The following ANKRD44 variants were observed in gnomAD, a reference collection of about 807,000 sequenced individuals.
ANKRD44 encodes the protein ankyrin repeat domain 44.
Under a neutral mutation model 116.0 loss-of-function variants are expected in ANKRD44, and 35 were observed. The observed-to-expected ratio is 0.30, with a 90% CI of 0.23 to 0.40. ANKRD44 has a LOEUF of 0.40. Ranked by LOEUF, ANKRD44 falls within the 10% of genes least tolerant of loss-of-function variation. ANKRD44 has a pLI of 1.00. For synonymous variants in ANKRD44, 435 were observed against 461.8 expected (o/e 0.94, Z 0.74); for missense variants, 1,014 against 1,242.6 (o/e 0.82, Z 2.77).
intron 8 of ANKRD44, among the ~76,000 whole-genome samples, chr2:197,111,088 G>C (rs1054678473): frequency 6.6e-6 from 1 of 151,968 alleles, no homozygotes; most frequent in Non-Finnish European, 1.5e-5. Context: ...AATTACAAGA[G>C]GCAAAGATAA....
At chr2:196,990,244 A>C in intron 27 of ANKRD44, 1 of 986,810 alleles carries the variant, frequency 1.0e-6, no homozygotes, top group Non-Finnish European at 1.2e-6. Flanking sequence ...CAAAGTGAGA[A>C]GAAGTTTGAG....
At chr2:196,983,510 G>A (rs2075817318), downstream of ANKRD44, among the ~76,000 whole-genome samples, 1 of 152,144 alleles carries the variant, frequency 6.6e-6, no homozygotes, top group African/African-American at 2.4e-5. Context: ...AATTTCTTGT[G>A]GTTAGGATCT....
chr2:197,157,618 C>A (rs2079852753), intron 2 of ANKRD44, among the ~76,000 whole-genome samples: 1 of 135,352 alleles, frequency 7.4e-6, no homozygotes, highest in South Asian at 2.3e-4. Context: ...GCAGAGGTTG[C>A]AGTGAGCTGA....
At chr2:197,172,506 C>T (rs918373297) in intron 2 of ANKRD44, among the ~76,000 whole-genome samples, 4 of 152,124 alleles carry the variant, frequency 2.6e-5, no homozygotes, top group African/African-American at 9.7e-5. Flanking sequence ...CTGACGTTTC[C>T]TCTGTGATCT....
chr2:197,112,168 T>C (rs1275154324), intron 8 of ANKRD44, among the ~76,000 whole-genome samples: 1 of 152,206 alleles, frequency 6.6e-6, no homozygotes, highest in Non-Finnish European at 1.5e-5. Context: ...CATCCAAGTA[T>C]TGTTATCAAA....
chr2:197,142,523 T>G (rs560170221), intron 3 of ANKRD44, among the ~76,000 whole-genome samples: 19 of 152,350 alleles, frequency 1.2e-4, no homozygotes, highest in Admixed American at 9.1e-4. Context: ...GATAATTCCA[T>G]GAACGTGACA....
intron 1 of ANKRD44, among the ~76,000 whole-genome samples, chr2:197,294,282 G>A (rs899440180): frequency 1.3e-5 from 2 of 152,140 alleles, no homozygotes; most frequent in African/African-American, 2.4e-5. Flanking sequence ...GAAGGATAGA[G>A]AAAAGGAGGT....
At chr2:197,025,131 T>C (rs1421615129) in intron 17 of ANKRD44, 65 bp downstream of exon 17, 4 of 1,476,954 alleles carry the variant, frequency 2.7e-6, no homozygotes, top group Non-Finnish European at 3.8e-6. Flanking sequence ...TTAAGAGCAA[T>C]CTAGTTTTAG....
chr2:197,055,476 C>T (rs1305142856), intron 16 of ANKRD44, among the ~76,000 whole-genome samples: 1 of 152,068 alleles, frequency 6.6e-6, no homozygotes, highest in East Asian at 1.9e-4. Context: ...CCAGTTATTC[C>T]TTTTGGTTCA....
intron 8 of ANKRD44, among the ~76,000 whole-genome samples, chr2:197,117,441 T>C (rs1417183473): frequency 2.0e-5 from 3 of 152,160 alleles, no homozygotes; most frequent in Admixed American, 1.3e-4. Context: ...GCTTTTACCA[T>C]GTTGGTCAGG....
At chr2:197,100,312 G>C (rs945549889) in intron 9 of ANKRD44, among the ~76,000 whole-genome samples, 2 of 152,160 alleles carry the variant, frequency 1.3e-5, no homozygotes, top group African/African-American at 4.8e-5. Flanking sequence ...GTGCATGCCT[G>C]TAATCCCAGC....
At chr2:197,169,111 C>T (rs2080167770) in intron 2 of ANKRD44, among the ~76,000 whole-genome samples, 1 of 152,178 alleles carries the variant, frequency 6.6e-6, no homozygotes, top group African/African-American at 2.4e-5. Context: ...CCTTCACTCT[C>T]CTTCAGCCAC....
chr2:196,992,764 G>A (rs1159481083), intron 27 of ANKRD44: 1 of 152,630 alleles, frequency 6.6e-6, no homozygotes, highest in Admixed American at 6.5e-5. Context: ...AATCAGTATG[G>A]CTGCTTACTT....
At chr2:196,970,668 G>A (rs1392971737) in intron 21 of ANKRD44, among the ~76,000 whole-genome samples, 1 of 151,710 alleles carries the variant, frequency 6.6e-6, no homozygotes, top group Non-Finnish European at 1.5e-5. Context: ...CATAAATTCA[G>A]AACAAAAATT....
chr2:197,164,320 A>G (rs960890744), intron 2 of ANKRD44, among the ~76,000 whole-genome samples: 4 of 152,194 alleles, frequency 2.6e-5, no homozygotes, highest in Non-Finnish European at 1.5e-5. Flanking sequence ...CTCTGGCAGC[A>G]CAAGGTCAAA....
At chr2:197,071,602 A>G (rs527809235) in intron 16 of ANKRD44, among the ~76,000 whole-genome samples, 5 of 152,174 alleles carry the variant, frequency 3.3e-5, no homozygotes, top group African/African-American at 9.6e-5. Flanking sequence ...ATTTTGTTTT[A>G]TGGTTCAAGA....
At chr2:197,276,275 CAAAAAAAAAAA>C (rs11351342) in intron 1 of ANKRD44, among the ~76,000 whole-genome samples, 4 of 108,064 alleles carry the variant, frequency 3.7e-5, no homozygotes, top group Admixed American at 9.7e-5. Flanking sequence ...AACTTGGTCT[CAAAAAAAAAAA>C]AAAAAAAAGG....
chr2:197,203,543 G>C lies in ANKRD44; in HGVS notation c.28-16437C>G, dbSNP rs1168674704. 6.6e-6 allele frequency among the ~76,000 whole-genome samples: 1 copy of C among 152,178 alleles called. No homozygotes were observed. Among genetic ancestry groups the C allele is most frequent in the Non-Finnish European group, 1.5e-5 (1 of 68,042 alleles). On this transcript the variant is annotated intron_variant, in intron 1 of 27. Transcript: ENST00000282272. The surrounding 1 kb of genome is among the most constrained non-coding windows in gnomAD (Gnocchi z 4.1). ...GGAATTTTATTTAGCTATTTAGCTTGGTAGTTCCTCAATAAGTTAAACATG... is the reference window on the plus strand; with the variant it reads ...GGAATTTTATTTAGCTATTTAGCTTCGTAGTTCCTCAATAAGTTAAACATG...
At position 197,055,772 on chromosome 2, in the gene ANKRD44, G is replaced by A. The variant is rs2077191727; in HGVS notation, c.1650+22931C>T. ...GATCCATTTTTCAACTCCCTATTCT[G>A]TTCTTTTGATTAGTTCATCTATGTT... is the stretch of plus-strand genomic sequence containing the variant. On this transcript the variant is annotated intron_variant, in intron 16 of 27. Coordinates refer to ENST00000282272, the MANE Select transcript of ANKRD44 (RefSeq NM_001195144.2). Among the ~76,000 whole-genome samples, 4 of 151,756 alleles carry A rather than the reference G, an allele frequency of 2.6e-5. No individual in the cohort carries two copies. The South Asian group carries it at 6.3e-4, about 24-fold the overall frequency.
Sources: allele counts gnomAD v4.1 joint callset (sites outside exome capture counted in the v4.1 genomes callset), GRCh38; gene constraint gnomAD v4.1.1; non-coding constraint Gnocchi (gnomAD v3.1); transcripts MANE v1.5; gene names NCBI Gene and HGNC (gene_info 2026-07-23, HGNC 2026-07-21).